Variants in NUP214 observed in about 807,000 individuals in gnomAD.
The protein encoded by NUP214 is nucleoporin 214, also known as nuclear pore complex protein Nup214.
Under a neutral mutation model 196.2 loss-of-function variants are expected in NUP214, and 79 were observed. That is an observed-to-expected ratio of 0.40 (90% confidence interval 0.34 to 0.49). The LOEUF is 0.49. NUP214 is among the 20% of genes least tolerant of loss of function. NUP214 has a pLI of 0.58. For missense variants in NUP214, 2,468 were observed against 2,539.0 expected (o/e 0.97, Z 0.60); for synonymous variants, 1,020 against 990.5 (o/e 1.03, Z -0.56).
intron 11 of NUP214, 26 bp downstream of exon 11, chr9:131,140,736 G>GT: frequency 6.2e-7 from 1 of 1,602,064 alleles, no homozygotes; most frequent in Non-Finnish European, 8.5e-7. Flanking sequence ...TGCTTTATCA[G>GT]TAAGGGAATA....
intron 17 of NUP214, among the ~76,000 whole-genome samples, chr9:131,156,788 A>C (rs1046340934): frequency 2.0e-5 from 3 of 151,740 alleles, no homozygotes; most frequent in Non-Finnish European, 4.4e-5. Context: ...CGACAGTTTG[A>C]CTTTCTCTTT....
At chr9:131,208,532 T>C (rs1012971841) in intron 30 of NUP214, among the ~76,000 whole-genome samples, 1 of 151,320 alleles carries the variant, frequency 6.6e-6, no homozygotes, top group South Asian at 2.1e-4. Flanking sequence ...CCTGTCTCTA[T>C]TAAAAATACA....
chr9:131,173,219 G>C (rs996893699), intron 21 of NUP214, among the ~76,000 whole-genome samples: 1 of 152,082 alleles, frequency 6.6e-6, no homozygotes, highest in African/African-American at 2.4e-5. Flanking sequence ...ACCACGACTG[G>C]CTAATTTTTG....
chr9:131,127,743 A>T, intron 2 of NUP214, 24 bp downstream of exon 2: 1 of 1,568,384 alleles, frequency 6.4e-7, no homozygotes, highest in Non-Finnish European at 8.8e-7. Context: ...TTTATGTTGC[A>T]AAGTAGAGAG....
chr9:131,213,783 G>GTTGTTGTTA (rs1834315392), intron 30 of NUP214, among the ~76,000 whole-genome samples: 1 of 85,054 alleles, frequency 1.2e-5, no homozygotes, highest in Non-Finnish European at 2.4e-5. Flanking sequence ...TGTTGTTGTT[G>GTTGTTGTTA]TTGTTAAGAA....
In NUP214 at chr9:131,125,587, A is replaced by G; in HGVS notation, c.-118A>G. 1.3e-6 allele frequency: 2 copies of G among 1,547,420 alleles called. No individual in the cohort carries two copies. Among genetic ancestry groups the G allele is most frequent in the Non-Finnish European group, 1.7e-6 (2 of 1,144,758 alleles). ...GTCACCAAAGCGCGCCGGAAATGCG[A>G]GGTCAACTGCGCGCCGCTGGCGCTG... is the stretch of plus-strand genomic sequence containing the variant. On this transcript the variant is annotated 5_prime_UTR_variant, in exon 1 of 36. Transcript: ENST00000359428. This position sits in a 1 kb window ranked among gnomAD's most constrained non-coding sequence, Gnocchi z 4.1.
chr9:131,231,310 A>G (rs1448217175), intron 34 of NUP214, among the ~76,000 whole-genome samples: 1 of 152,062 alleles, frequency 6.6e-6, no homozygotes, highest in African/African-American at 2.4e-5. Context: ...CTCCTGCCTC[A>G]GCCTTTGAGT....
Position 131,232,205 on chromosome 9 carries a change from G to A in NUP214, c.6215-79G>A. On this transcript the variant is annotated intron_variant, in intron 34 of 35. Transcript: ENST00000359428. This position sits in a 1 kb window ranked among gnomAD's most constrained non-coding sequence, Gnocchi z 5.1. ...GCTTCCCACAAGAAGCACAGAGGAG[G>A]GCAGACACTTAGCATGGGGACCACC... 1 of 1,486,958 alleles carries A rather than the reference G, an allele frequency of 6.7e-7. No homozygotes were observed. Among genetic ancestry groups the A allele is most frequent in the Non-Finnish European group, 9.4e-7 (1 of 1,064,078 alleles). 92.1% of individuals were successfully genotyped at this position (1,486,958 alleles called of 1,614,324 possible). A position where few individuals can be genotyped will look rare whatever the true frequency, so the allele number is the denominator to read the frequency against.
At chr9:131,139,246 CTTCTTCTTCT>C in intron 9 of NUP214, 25 bp from the exon 10 acceptor site, 2 of 1,406,882 alleles carry the variant, frequency 1.4e-6, no homozygotes, top group Non-Finnish European at 1.9e-6. Context: ...CTTTTTTCTT[CTTCTTCTTCT>C]TTTTTTTTTT....
At chr9:131,160,174 A>C (rs1832587757) in intron 18 of NUP214, among the ~76,000 whole-genome samples, 1 of 152,162 alleles carries the variant, frequency 6.6e-6, no homozygotes. Context: ...AAATGTATGA[A>C]TATATAACTA....
chr9:131,205,886 T>A (rs1277163254), intron 30 of NUP214, among the ~76,000 whole-genome samples: 1 of 152,196 alleles, frequency 6.6e-6, no homozygotes, highest in African/African-American at 2.4e-5. Flanking sequence ...TTTCGCCATG[T>A]TGGCCAGGCT....
At chr9:131,218,067 A>G (rs1039385174) in intron 31 of NUP214, among the ~76,000 whole-genome samples, 5 of 152,226 alleles carry the variant, frequency 3.3e-5, no homozygotes, top group Non-Finnish European at 5.9e-5. Context: ...ACACATAACT[A>G]TTCTTGATAC....
chr9:131,134,513 A>T (rs1831656146), intron 7 of NUP214, among the ~76,000 whole-genome samples: 1 of 152,188 alleles, frequency 6.6e-6, no homozygotes, highest in South Asian at 2.1e-4. Context: ...TAATATTAAC[A>T]CTAGTATTTA....
At chr9:131,230,908 C>A in intron 34 of NUP214, 139 bp downstream of exon 34, 2 of 1,012,358 alleles carry the variant, frequency 2.0e-6, no homozygotes, top group Non-Finnish European at 2.8e-6. Context: ...CGCCTGTAAT[C>A]CCAGCACTTT....
chr9:131,210,059 C>A (rs372970602), intron 30 of NUP214, among the ~76,000 whole-genome samples: 1 of 152,214 alleles, frequency 6.6e-6, no homozygotes, highest in South Asian at 2.1e-4. Context: ...ATTATTTCCT[C>A]ACTTTAATCA....
At position 131,159,628 on chromosome 9, in the gene NUP214, C is replaced by A. The variant is rs148259408; in HGVS notation, c.2540+142C>A. On this transcript the variant is annotated intron_variant, in intron 18 of 35. Coordinates refer to ENST00000359428, the MANE Select transcript of NUP214 (RefSeq NM_005085.4). ...ATCCCAGCACTTTGGCAGGCCGAGG[C>A]GAGTGGATCACCTGAGATCGGGAGT... 2.1e-3 allele frequency: 1,432 copies of A among 690,068 alleles called. 8 individuals carry two copies. In the African/African-American group the frequency reaches 0.021, roughly 10 times the overall value. 42.7% of individuals were successfully genotyped at this position (690,068 alleles called of 1,614,324 possible).
intron 10 of NUP214, among the ~76,000 whole-genome samples, chr9:131,139,625 A>G (rs1043293693): frequency 6.6e-6 from 1 of 152,230 alleles, no homozygotes; most frequent in Non-Finnish European, 1.5e-5. Flanking sequence ...CAAACACTGT[A>G]TGTATGTGTG....
chr9:131,201,835 GTTCT>G, intron 30 of NUP214, 118 bp downstream of exon 30: 2 of 861,554 alleles, frequency 2.3e-6, no homozygotes, highest in Admixed American at 1.9e-5. Flanking sequence ...GCCCTGTGTG[GTTCT>G]TAAGCTGTAC....
At chr9:131,140,417 A>G in intron 10 of NUP214, 132 bp from the exon 11 acceptor site, 1 of 700,176 alleles carries the variant, frequency 1.4e-6, no homozygotes, top group Non-Finnish European at 2.3e-6. Flanking sequence ...ATATAAAATC[A>G]GAACAAACTA....
Sources: allele counts gnomAD v4.1 joint callset (sites outside exome capture counted in the v4.1 genomes callset), GRCh38; gene constraint gnomAD v4.1.1; non-coding constraint Gnocchi (gnomAD v3.1); transcripts MANE v1.5; gene names NCBI Gene and HGNC (gene_info 2026-07-23, HGNC 2026-07-21).